GRIK4: variants seen among roughly 807,000 people sequenced by gnomAD.
GRIK4 encodes the protein glutamate ionotropic receptor kainate type subunit 4.
A neutral mutation model predicts 104.9 loss-of-function variants in GRIK4; 40 were observed. The ratio of observed to expected loss-of-function variants is 0.38; its 90% CI spans 0.30 to 0.50. The LOEUF is 0.50. Ranked by LOEUF, GRIK4 falls within the 20% of genes least tolerant of loss-of-function variation. The probability of loss-of-function intolerance (pLI) is 0.93; values close to 1 mark genes in which losing one functional copy is unlikely to be tolerated. For synonymous variants in GRIK4, 485 were observed against 524.9 expected, an observed-to-expected ratio of 0.92 and a Z score of 1.04; for missense variants, 1,047 against 1,308.1, an observed-to-expected ratio of 0.80 and a Z score of 3.08.
intron 3 of GRIK4, among the ~76,000 whole-genome samples, chr11:120,691,974 C>T (rs914146247): frequency 1.3e-5 from 2 of 152,336 alleles, no homozygotes; most frequent in Middle Eastern, 3.4e-3. Context: ...ATTAGGTCTT[C>T]GGTGAGCAAT....
At position 120,555,467 on chromosome 11, in the gene GRIK4, G is replaced by A. The variant is rs193288406; in HGVS notation, c.-159+43580G>A. 2.1e-4 allele frequency among the ~76,000 whole-genome samples: 32 copies of A among 152,274 alleles called. No individual in the cohort carries two copies. The East Asian group carries it at 5.6e-3, about 27-fold the overall frequency. On this transcript the variant is annotated intron_variant, in intron 1 of 20. Coordinates refer to ENST00000527524, the MANE Select transcript of GRIK4 (RefSeq NM_014619.5). This position sits in a 1 kb window ranked among gnomAD's most constrained non-coding sequence, Gnocchi z 5.3. ...TTTCTACCGGGCTGCTTATGTACTCGCCGAGCCAGCATTCACACACTTTCT... is the reference window on the plus strand; with the variant it reads ...TTTCTACCGGGCTGCTTATGTACTCACCGAGCCAGCATTCACACACTTTCT...
intron 4 of GRIK4, among the ~76,000 whole-genome samples, chr11:120,806,879 A>T (rs1305292003): frequency 6.6e-6 from 1 of 152,208 alleles, no homozygotes; most frequent in African/African-American, 2.4e-5. Flanking sequence ...GCATTAATTA[A>T]TAGCCAGCCT....
chr11:120,800,706 A>G (rs1422160686), intron 3 of GRIK4, among the ~76,000 whole-genome samples: 3 of 152,210 alleles, frequency 2.0e-5, no homozygotes, highest in Non-Finnish European at 4.4e-5. Context: ...AAATCCACAA[A>G]TCAAGGAAGA....
rs963263976 is a variant in GRIK4, at chr11:120,791,732, C to A, written c.83-10961C>A. ...ATAGTTTTAGGTTTTACCGTTATGT[C>A]TATGGTCCATTTTTTTTGTTAATTT... On this transcript the variant is annotated intron_variant, in intron 3 of 20. Transcript: ENST00000527524. 2.0e-5 allele frequency among the ~76,000 whole-genome samples: 3 copies of A among 152,110 alleles called. 1 individual carries two copies. In the South Asian group the frequency reaches 6.2e-4, roughly 32 times the overall value.
At chr11:120,586,596 T>G (rs1948667437) in intron 1 of GRIK4, among the ~76,000 whole-genome samples, 1 of 152,152 alleles carries the variant, frequency 6.6e-6, no homozygotes, top group Non-Finnish European at 1.5e-5. Context: ...GGAGTTCTCC[T>G]TTACTGCCAG....
chr11:120,603,600 G>T (rs1042211679), intron 1 of GRIK4, among the ~76,000 whole-genome samples: 2 of 152,142 alleles, frequency 1.3e-5, no homozygotes, highest in African/African-American at 4.8e-5. Context: ...CGACAAGCCT[G>T]CCCTGGAAGA....
At position 120,961,027 on chromosome 11, in the gene GRIK4, A is replaced by G. The variant is rs755910666; in HGVS notation, c.1993A>G (p.Ile665Val). ...SVDDLADQTA[I>V]EYGTIHGGSS... ...GGATGACCTGGCTGACCAGACCGCC[A>G]TTGAATATGGCACAATTCACGGAGG... Residue 665 changes from isoleucine (I) to valine (V), a missense_variant, in exon 17 of 21, where the codon ATT becomes GTT. Physicochemically the swap from Ile to Val is conservative, Grantham distance 29. Around this residue, in one of 3 missense-constraint regions of GRIK4, gnomAD observed 440 missense variants for 652.3 expected, o/e 0.67. Coordinates refer to ENST00000527524, the MANE Select transcript of GRIK4 (RefSeq NM_014619.5). 1.9e-6 allele frequency: 3 copies of G among 1,614,172 alleles called. No individual in the cohort carries two copies. Among genetic ancestry groups the G allele is most frequent in the Non-Finnish European group, 8.5e-7 (1 of 1,180,008 alleles).
chr11:120,619,097 G>C (rs1336462056), intron 1 of GRIK4, among the ~76,000 whole-genome samples: 1 of 152,198 alleles, frequency 6.6e-6, no homozygotes, highest in Non-Finnish European at 1.5e-5. Context: ...GCTGAACCCT[G>C]CAGAGCCACA....
intron 3 of GRIK4, among the ~76,000 whole-genome samples, chr11:120,780,022 G>A (rs1952120914): frequency 6.6e-6 from 1 of 152,148 alleles, no homozygotes; most frequent in African/African-American, 2.4e-5. Context: ...CAATTTTTCT[G>A]GACTTCAGAA....
chr11:120,535,187 G>T (rs1255857984), intron 1 of GRIK4, among the ~76,000 whole-genome samples: 2 of 152,102 alleles, frequency 1.3e-5, no homozygotes, highest in Non-Finnish European at 2.9e-5. Context: ...GTCTGAGCAG[G>T]CTCCAGCACA....
chr11:120,516,574 G>A (rs960671532), intron 1 of GRIK4, among the ~76,000 whole-genome samples: 2 of 152,090 alleles, frequency 1.3e-5, no homozygotes, highest in Non-Finnish European at 2.9e-5. Flanking sequence ...CAGCAGGCTC[G>A]GGGGAGCCGG....
At chr11:120,846,315 T>G (rs1336453305) in intron 8 of GRIK4, among the ~76,000 whole-genome samples, 1 of 152,226 alleles carries the variant, frequency 6.6e-6, no homozygotes, top group East Asian at 1.9e-4. Context: ...ATTAAGTGCC[T>G]GCTGTGTGGT....
rs1217133562 is a variant in GRIK4 at position 120,898,621 on chromosome 11, G to A, written c.1254G>A (p.Leu418=). The A allele has an allele frequency of 6.2e-7, 1 of 1,605,526 alleles. No individual in the cohort carries two copies. Among genetic ancestry groups the A allele is most frequent in the African/African-American group, 1.3e-5 (1 of 74,720 alleles). The change falls in exon 12 of 21, where the codon CTG becomes CTA. Residue 418 remains leucine (L), a synonymous_variant. Coordinates refer to ENST00000527524, the MANE Select transcript of GRIK4 (RefSeq NM_014619.5). ...CGGACACTCTCTTCAACACCACCCT[G>A]GTCGTCACCACCATCCTGGTAAGTG... ...NISDTLFNTT[L]VVTTILENPY...
At chr11:120,866,680 G>A (rs1333819597) in intron 9 of GRIK4, among the ~76,000 whole-genome samples, 1 of 152,172 alleles carries the variant, frequency 6.6e-6, no homozygotes, top group Non-Finnish European at 1.5e-5. Context: ...GCTCAAGGCT[G>A]TCTCAGGGAA....
chr11:120,726,878 T>A (rs1478917606), intron 3 of GRIK4, among the ~76,000 whole-genome samples: 1 of 151,886 alleles, frequency 6.6e-6, no homozygotes, highest in Non-Finnish European at 1.5e-5. Flanking sequence ...AACAACAAAA[T>A]AACAAAACCA....
At chr11:120,553,016 A>T (rs1165712895) in intron 1 of GRIK4, among the ~76,000 whole-genome samples, 1 of 152,122 alleles carries the variant, frequency 6.6e-6, no homozygotes, top group African/African-American at 2.4e-5. Context: ...AGAAAAAAAA[A>T]AAAAAAAGAA....
intron 19 of GRIK4, among the ~76,000 whole-genome samples, chr11:120,979,990 C>G (rs1944624929): frequency 6.6e-6 from 1 of 152,034 alleles, no homozygotes; most frequent in Admixed American, 6.5e-5. Context: ...TGTGAGCCAC[C>G]ATGCCCGGCT....
chr11:120,675,730 A>G (rs1950089750), intron 3 of GRIK4, among the ~76,000 whole-genome samples: 1 of 152,100 alleles, frequency 6.6e-6, no homozygotes, highest in Non-Finnish European at 1.5e-5. Context: ...CTACTATGAA[A>G]TGGGGATAAT....
intron 11 of GRIK4, among the ~76,000 whole-genome samples, chr11:120,891,411 A>G (rs547751183): frequency 1.4e-4 from 21 of 152,374 alleles, no homozygotes; most frequent in African/African-American, 5.0e-4. Context: ...TGCAGAAAGC[A>G]TGGGTTTACA....
Sources: gnomAD v4.1 joint callset for allele counts (sites outside exome capture counted in the v4.1 genomes callset) on GRCh38, gnomAD v4.1.1 for gene constraint, gnomAD v4.1.1 regional missense constraint, Gnocchi (gnomAD v3.1) non-coding constraint, MANE v1.5 for transcripts, NCBI Gene and HGNC (gene_info 2026-07-23, HGNC 2026-07-21) for gene names.